IRAG1: variants seen among roughly 807,000 people sequenced by gnomAD.
IRAG1 encodes inositol 1,4,5-triphosphate receptor associated 1.
Under a neutral mutation model 106.2 loss-of-function variants are expected in IRAG1, and 62 were observed. The observed-to-expected ratio is 0.58, with a 90% CI of 0.48 to 0.72. The LOEUF (loss-of-function observed/expected upper bound fraction) is 0.72. Ranked by LOEUF, IRAG1 falls within the 30% of genes least tolerant of loss-of-function variation. The pLI, the probability that IRAG1 is intolerant of heterozygous loss-of-function variation, is 0.00. For synonymous variants in IRAG1, 462 were observed against 443.9 expected, an observed-to-expected ratio of 1.04 and a Z score of -0.51; for missense variants, 1,064 against 1,140.7, an observed-to-expected ratio of 0.93 and a Z score of 0.97.
At chr11:10,627,804 AC>A in intron 7 of IRAG1, 44 bp from the exon 8 acceptor site, 1 of 1,612,968 alleles carries the variant, frequency 6.2e-7, no homozygotes, top group Non-Finnish European at 8.5e-7. Context: ...ATGGGAAGAG[AC>A]CGTGTTTCCT....
At chr11:10,664,435 G>A (rs750911869) in intron 1 of IRAG1, among the ~76,000 whole-genome samples, 1 of 152,190 alleles carries the variant, frequency 6.6e-6, no homozygotes, top group Non-Finnish European at 1.5e-5. Context: ...AGGGGTTCAG[G>A]GACAGGGCCT....
chr11:10,635,286 CT>C (rs1318939158), intron 2 of IRAG1, among the ~76,000 whole-genome samples: 1 of 152,200 alleles, frequency 6.6e-6, no homozygotes, highest in Non-Finnish European at 1.5e-5. Flanking sequence ...TTCCCACCCC[CT>C]TGACTGGCAT....
At chr11:10,623,167 G>C (rs566703203) in intron 10 of IRAG1, among the ~76,000 whole-genome samples, 3 of 152,222 alleles carry the variant, frequency 2.0e-5, no homozygotes, top group South Asian at 4.1e-4. Context: ...ATGGGGCCGA[G>C]GAAGGGTGTT....
rs1169838665 is a variant in IRAG1 at position 10,665,568 on chromosome 11, G to A, written c.68-13386C>T. On this transcript the variant is annotated intron_variant, in intron 1 of 20. Coordinates refer to ENST00000423302, the MANE Select transcript of IRAG1 (RefSeq NM_130385.4). The surrounding 1 kb of genome is among the most constrained non-coding windows in gnomAD (Gnocchi z 4.2). ...CTATCCCTCAGCTCAGAGCTGGATA[G>A]GCTCTCACTCTCAACCCTCCCCAGA... 6.6e-6 allele frequency among the ~76,000 whole-genome samples: 1 copy of A among 152,168 alleles called. No individual in the cohort carries two copies. The highest frequency in any genetic ancestry group is 1.5e-5 in the Non-Finnish European group (1 of 68,038).
chr11:10,628,886 C>T lies in IRAG1; in HGVS notation c.575-58G>A. ...ATGAAGGTTTAGGACTTCAACCTGGCAAAGGCATCCTTTTAGGTATTCCCA... is the reference window on the plus strand; with the variant it reads ...ATGAAGGTTTAGGACTTCAACCTGGTAAAGGCATCCTTTTAGGTATTCCCA... On this transcript the variant is annotated intron_variant, in intron 5 of 20. Coordinates refer to ENST00000423302, the MANE Select transcript of IRAG1 (RefSeq NM_130385.4). The surrounding 1 kb of genome is among the most constrained non-coding windows in gnomAD (Gnocchi z 4.1). The T allele has an allele frequency of 6.7e-7, 1 of 1,484,254 alleles. No homozygotes were observed. Among genetic ancestry groups the T allele is most frequent in the South Asian group, 1.2e-5 (1 of 80,196 alleles). 91.9% of individuals were successfully genotyped at this position (1,484,254 alleles called of 1,614,324 possible). A position where few individuals can be genotyped will look rare whatever the true frequency, so the allele number is the denominator to read the frequency against.
intron 1 of IRAG1, chr11:10,687,876 T>TTGG (rs1554937153): frequency 5.2e-6 from 5 of 963,964 alleles, no homozygotes; most frequent in Admixed American, 3.0e-5. Flanking sequence ...TGCTTTTTTT[T>TTGG]GGGGGGGGGT....
At chr11:10,609,583 C>T (rs1591601952) in intron 11 of IRAG1, 145 bp downstream of exon 11, 10 of 948,520 alleles carry the variant, frequency 1.1e-5, no homozygotes, top group East Asian at 8.3e-5. Flanking sequence ...CTTTTTGTTT[C>T]GAATGCATTA....
chr11:10,667,059 T>C (rs922661844), intron 1 of IRAG1, among the ~76,000 whole-genome samples: 2 of 152,240 alleles, frequency 1.3e-5, no homozygotes, highest in African/African-American at 4.8e-5. Flanking sequence ...GATTTTTTCA[T>C]TAATGCTATG....
intron 18 of IRAG1, among the ~76,000 whole-genome samples, chr11:10,585,834 G>C (rs1851905594): frequency 6.6e-6 from 1 of 152,112 alleles, no homozygotes; most frequent in Admixed American, 6.6e-5. Flanking sequence ...CACGTTATTG[G>C]TGCTGGGACT....
intron 1 of IRAG1, chr11:10,693,319 T>C (rs1862209291): frequency 2.2e-6 from 2 of 899,954 alleles, no homozygotes; most frequent in East Asian, 6.4e-5. Context: ...GAGCACAATC[T>C]AGTTAAGTTA....
intron 3 of IRAG1, 22 bp from the exon 4 acceptor site, chr11:10,632,083 T>C: frequency 6.3e-7 from 1 of 1,595,540 alleles, no homozygotes; most frequent in Middle Eastern, 1.7e-4. Context: ...AACAGTCATC[T>C]TGTTCAGAAA....
rs1182217494 is a variant in IRAG1 at position 10,591,632 on chromosome 11, CAG to C, written c.2176-22_2176-21del. 50 of 1,579,102 alleles carry C rather than the reference CAG, an allele frequency of 3.2e-5. No homozygotes were observed. Among genetic ancestry groups the C allele is most frequent in the Non-Finnish European group, 4.2e-5 (49 of 1,161,692 alleles). On this transcript the variant is annotated intron_variant, in intron 17 of 20. Transcript: ENST00000423302. Reference sequence around the variant, plus strand: ...TTCCGACTGAGTGAAAAACAGAAGACAGAGAATTGAGGATGCGCTATGGAAGG... The same window carrying C: ...TTCCGACTGAGTGAAAAACAGAAGACAGAATTGAGGATGCGCTATGGAAGG...
chr11:10,637,199 T>C (rs1857209149), intron 2 of IRAG1, among the ~76,000 whole-genome samples: 1 of 152,298 alleles, frequency 6.6e-6, no homozygotes, highest in South Asian at 2.1e-4. Flanking sequence ...TCATCCCCTA[T>C]AGGAATTCTG....
At chr11:10,617,978 C>T (rs1427388970) in intron 10 of IRAG1, among the ~76,000 whole-genome samples, 1 of 152,160 alleles carries the variant, frequency 6.6e-6, no homozygotes, top group Non-Finnish European at 1.5e-5. Context: ...GATCCTGATG[C>T]TTCCTTACCT....
In IRAG1 at chr11:10,575,600, C is replaced by T. The variant is rs1395748877; in HGVS notation, c.*732G>A. 2 of 152,240 alleles carry T rather than the reference C, an allele frequency of 1.3e-5. No individual in the cohort carries two copies. The highest frequency in any genetic ancestry group is 3.9e-4 in the East Asian group (2 of 5,194). 9.4% of individuals were successfully genotyped at this position (152,240 alleles called of 1,614,324 possible). A position where few individuals can be genotyped will look rare whatever the true frequency, so the allele number is the denominator to read the frequency against. On this transcript the variant is annotated 3_prime_UTR_variant, in exon 21 of 21. Coordinates refer to ENST00000423302, the MANE Select transcript of IRAG1 (RefSeq NM_130385.4). ...TCTTATTTATCCAGAGGTACACACCCAGAGCACACTTTTGAAGGGTTGTTG... is the reference window on the plus strand; with the variant it reads ...TCTTATTTATCCAGAGGTACACACCTAGAGCACACTTTTGAAGGGTTGTTG...
Position 10,626,351 on chromosome 11 carries a change from C to T in IRAG1, c.983G>A (p.Ser328Asn), listed in dbSNP as rs35713531. The T allele has an allele frequency of 3.5e-3, 5,587 of 1,613,752 alleles. 150 individuals carry two copies. In the African/African-American group the frequency reaches 0.066, roughly 19 times the overall value. ...TTTCAAGAGCTGCTTCCCCAGCTCGCTCTCCACGGGGCCAGGCTGAGGGCT... is the reference window on the plus strand; with the variant it reads ...TTTCAAGAGCTGCTTCCCCAGCTCGTTCTCCACGGGGCCAGGCTGAGGGCT... Reference protein sequence around the residue: ...LNSPQPGPVESELGKQLLKTG... With the variant: ...LNSPQPGPVENELGKQLLKTG... Residue 328 changes from serine (S) to asparagine (N), a missense_variant, in exon 9 of 21, where the codon AGC (serine) becomes AAC (asparagine). Coordinates refer to ENST00000423302, the MANE Select transcript of IRAG1 (RefSeq NM_130385.4).
chr11:10,681,191 A>T (rs1229672659), intron 1 of IRAG1, among the ~76,000 whole-genome samples: 1 of 152,148 alleles, frequency 6.6e-6, no homozygotes, highest in African/African-American at 2.4e-5. Flanking sequence ...CCTGTAGGGC[A>T]TACTCATCTG....
chr11:10,576,029 T>G lies in IRAG1; in HGVS notation c.*303A>C. 1 of 366,430 alleles carries G rather than the reference T, an allele frequency of 2.7e-6. No individual in the cohort carries two copies. The allele number at this position is 366,430 out of a possible 1,614,324, so 22.7% of individuals were successfully genotyped here. On this transcript the variant is annotated 3_prime_UTR_variant, in exon 21 of 21. Coordinates refer to ENST00000423302, the MANE Select transcript of IRAG1 (RefSeq NM_130385.4). Reference sequence around the variant, plus strand: ...TACCCCCAACCACCAGTGAAGGTGTTTTAGTTCTCCCCAGCCACCTGAGCT... The same window carrying G: ...TACCCCCAACCACCAGTGAAGGTGTGTTAGTTCTCCCCAGCCACCTGAGCT...
chr11:10,625,967 T>G lies in IRAG1; in HGVS notation c.1367A>C (p.Glu456Ala), dbSNP rs1225500688. 2.7e-6 allele frequency: 4 copies of G among 1,472,074 alleles called. No homozygotes were observed. The highest frequency in any genetic ancestry group is 3.6e-6 in the Non-Finnish European group (4 of 1,111,110). The allele number at this position is 1,472,074 out of a possible 1,614,324, so 91.2% of individuals were successfully genotyped here. ...VRMQKLTKLREEHILMRNQNL... is the reference protein window; with the variant it reads ...VRMQKLTKLRAEHILMRNQNL... Reference sequence around the variant, plus strand: ...CCCAACTGGCCCCCAGGAACCCACCTCTCGGAGCTTGGTCAGTTTCTGCAT... The same window carrying G: ...CCCAACTGGCCCCCAGGAACCCACCGCTCGGAGCTTGGTCAGTTTCTGCAT... Residue 456 changes from glutamate to alanine, a missense_variant and splice_region_variant, in exon 9 of 21, where the codon GAG (glutamate) becomes GCG (alanine). Physicochemically the swap from Glu to Ala is moderately radical, Grantham distance 107. Coordinates refer to ENST00000423302, the MANE Select transcript of IRAG1 (RefSeq NM_130385.4).
Sources: allele counts gnomAD v4.1 joint callset (sites outside exome capture counted in the v4.1 genomes callset), GRCh38; gene constraint gnomAD v4.1.1; non-coding constraint Gnocchi (gnomAD v3.1); transcripts MANE v1.5; gene names NCBI Gene and HGNC (gene_info 2026-07-23, HGNC 2026-07-21).